MAP7D3: variants seen among roughly 807,000 people sequenced by gnomAD.
MAP7D3 encodes MAP7 domain containing 3.
A neutral mutation model predicts 62.2 loss-of-function variants in MAP7D3; 45 were observed. That is an observed-to-expected ratio of 0.72 (90% CI 0.57 to 0.93). MAP7D3 has a LOEUF of 0.93. Among genes scored for constraint, MAP7D3 ranks in the 40% least tolerant of loss-of-function variants. MAP7D3 has a pLI of 0.00. For synonymous variants in MAP7D3, 288 were observed against 248.8 expected, an observed-to-expected ratio of 1.16 and a Z score of -1.48; for missense variants, 711 against 683.1, an observed-to-expected ratio of 1.04 and a Z score of -0.45.
Position 136,251,372 on chromosome X carries a change from G to C in MAP7D3, c.-14C>G, listed in dbSNP as rs889390694. 9.9e-6 allele frequency: 11 copies of C among 1,109,153 alleles called. No homozygotes were observed. Among genetic ancestry groups the C allele is most frequent in the South Asian group, 2.1e-5 (1 of 48,687 alleles). The allele number at this position is 1,109,153 out of a possible 1,213,427, so 91.4% of individuals were successfully genotyped here. A position where few individuals can be genotyped will look rare whatever the true frequency, so the allele number is the denominator to read the frequency against. ...GTCCGCCATCATCGGAGTCGGGACC[G>C]GAGGCGGTGGTGGCTCTCCGCATAC... On this transcript the variant is annotated 5_prime_UTR_variant, in exon 1 of 19. Coordinates refer to ENST00000316077, the MANE Select transcript of MAP7D3 (RefSeq NM_024597.4).
rs888478690 is a variant in MAP7D3, at chrX:136,226,116, A to C, written c.2035-103T>G. On this transcript the variant is annotated intron_variant, in intron 12 of 18. Transcript: ENST00000316077. The stretch of plus-strand genomic sequence containing the variant: ...AATGGTAAATGTTATCTAGTATAAC[A>C]AAAGAGTGTAACCTTTTGAATGAGG... The C allele has an allele frequency of 1.1e-5, 6 of 525,103 alleles. No homozygotes were observed. In the African/African-American group the frequency reaches 1.2e-4, roughly 10 times the overall value. The allele number at this position is 525,103 out of a possible 1,213,427, so 43.3% of individuals were successfully genotyped here.
downstream of MAP7D3, chrX:136,214,933 G>A (rs1411659659): frequency 8.9e-6 from 1 of 112,032 alleles, no homozygotes; most frequent in Non-Finnish European, 1.9e-5. Flanking sequence ...CAGTTTCAAT[G>A]GATGGATCAA....
upstream of MAP7D3, among the ~76,000 whole-genome samples, chrX:136,252,042 T>C (rs2074519496): frequency 8.9e-6 from 1 of 112,556 alleles, no homozygotes; most frequent in African/African-American, 3.2e-5. Context: ...GGTTGCAGAA[T>C]GTTTTTCCCA....
intron 18 of MAP7D3, among the ~76,000 whole-genome samples, chrX:136,219,135 G>T (rs1344722494): frequency 8.9e-6 from 1 of 112,763 alleles, no homozygotes; most frequent in African/African-American, 3.2e-5. Flanking sequence ...ACAGGCGTAA[G>T]CCACTGCACC....
At chrX:136,233,224 G>A (rs1448114579) in intron 7 of MAP7D3, among the ~76,000 whole-genome samples, 1 of 110,413 alleles carries the variant, frequency 9.1e-6, no homozygotes, top group African/African-American at 3.3e-5. Flanking sequence ...GGGATAATGG[G>A]GGATTAGATT....
rs1320251175 is a variant in MAP7D3, at chrX:136,227,224, G to C, written c.2034+60C>G. ...TCAGAGACAGAGATTTTTGCTCTGG[G>C]TTCCATCTGAACTTTATAATCTGGT... On this transcript the variant is annotated intron_variant, in intron 12 of 18. Coordinates refer to ENST00000316077, the MANE Select transcript of MAP7D3 (RefSeq NM_024597.4). 4.6e-6 allele frequency: 5 copies of C among 1,083,895 alleles called. No individual in the cohort carries two copies. In the South Asian group the frequency reaches 8.5e-5, roughly 18 times the overall value. 89.3% of individuals were successfully genotyped at this position (1,083,895 alleles called of 1,213,427 possible).
At chrX:136,254,259 A>G (rs1388685390), upstream of MAP7D3, among the ~76,000 whole-genome samples, 3 of 107,806 alleles carry the variant, frequency 2.8e-5, no homozygotes, top group Non-Finnish European at 5.8e-5. Flanking sequence ...TAATTTTTGT[A>G]TTTTTAGTAG....
chrX:136,255,330 G>C (rs896302196), upstream of MAP7D3, among the ~76,000 whole-genome samples: 1 of 112,729 alleles, frequency 8.9e-6, no homozygotes, highest in African/African-American at 3.2e-5. Flanking sequence ...ATTCAAACAA[G>C]GTCCATACAT....
chrX:136,249,219 T>C (rs1569532424), intron 1 of MAP7D3, among the ~76,000 whole-genome samples: 1 of 112,279 alleles, frequency 8.9e-6, no homozygotes, highest in East Asian at 2.8e-4. Context: ...GACAAGATCA[T>C]CTTAAGGTTT....
chrX:136,240,354 C>T (rs1298906646), intron 6 of MAP7D3, 28 bp downstream of exon 6: 9 of 880,271 alleles, frequency 1.0e-5, no homozygotes, highest in Non-Finnish European at 1.5e-5. Flanking sequence ...AATAGAAATT[C>T]AGTAGAATAC....
intron 12 of MAP7D3, 50 bp from the exon 13 acceptor site, chrX:136,226,063 C>A (rs1261091484): frequency 3.5e-6 from 3 of 849,103 alleles, no homozygotes; most frequent in Non-Finnish European, 5.1e-6. Context: ...ACCTGAGTGA[C>A]ATCAGAGAAC....
chrX:136,231,559 C>T lies in MAP7D3; in HGVS notation c.1398G>A (p.Ala466=), dbSNP rs374515896. The T allele has an allele frequency of 3.3e-5, 40 of 1,202,228 alleles. No individual in the cohort carries two copies. The highest frequency in any genetic ancestry group is 4.3e-5 in the Non-Finnish European group (38 of 892,225). Residue 466 remains alanine (A), a synonymous_variant, in exon 8 of 19, where the codon GCG becomes GCA. Transcript: ENST00000316077. ...CTTGACAAACCTTTGGAGCGTCTCT[C>T]GCTTTTGCCTTGGGAGATGCTTCCA... is the stretch of plus-strand genomic sequence containing the variant. ...ASMEASPKAK[A]RDAPKKSEMD... is the part of the protein sequence containing the mutation.
intron 3 of MAP7D3, among the ~76,000 whole-genome samples, chrX:136,245,473 C>T (rs1260020888): frequency 9.0e-6 from 1 of 111,484 alleles, no homozygotes; most frequent in Non-Finnish European, 1.9e-5. Flanking sequence ...ACTGGCCAGG[C>T]GCGGTGGCTC....
chrX:136,223,383 G>T (rs560873610), intron 14 of MAP7D3, among the ~76,000 whole-genome samples: 11 of 110,529 alleles, frequency 1.0e-4, no homozygotes, highest in African/African-American at 3.3e-4. Context: ...ATGACATTGG[G>T]GTAAGCAAAT....
At chrX:136,213,314 A>G (rs1434867440), downstream of MAP7D3, 4 of 111,055 alleles carry the variant, frequency 3.6e-5, no homozygotes, top group Non-Finnish European at 5.7e-5. Context: ...CCCCTTAACA[A>G]TTTGTCAGCA....
intron 4 of MAP7D3, among the ~76,000 whole-genome samples, chrX:136,243,605 A>C (rs1047366087): frequency 6.3e-5 from 7 of 110,397 alleles, no homozygotes. Flanking sequence ...TGGGAGGCTG[A>C]GGTAGGAGAA....
In MAP7D3 at chrX:136,230,868, A is replaced by G. The variant is rs1309972479; in HGVS notation, c.1512T>C (p.Ala504=). 1.4e-5 allele frequency: 17 copies of G among 1,205,210 alleles called. No individual in the cohort carries two copies. The highest frequency in any genetic ancestry group is 1.9e-5 in the Non-Finnish European group (17 of 891,771). The change falls in exon 9 of 19, where the codon GCT becomes GCC. Residue 504 remains alanine (A), a synonymous_variant. Transcript: ENST00000316077. The part of the protein sequence containing the change: ...CYKWSSSPEN[A]CGLPSPISTN... ...TGCTGATGGGAGACGGCAGACCACA[A>G]GCATTTTCAGGAGATGATGACCATT...
downstream of MAP7D3, chrX:136,216,780 C>T (rs2074067852): frequency 9.0e-6 from 1 of 111,709 alleles, no homozygotes; most frequent in African/African-American, 3.3e-5. Context: ...ACCACCAGTA[C>T]ACTTTTTTTA....
chrX:136,255,302 A>C (rs2074545740), upstream of MAP7D3, among the ~76,000 whole-genome samples: 1 of 112,926 alleles, frequency 8.9e-6, no homozygotes, highest in Non-Finnish European at 1.9e-5. Flanking sequence ...GCCTCATTTA[A>C]AAAATCTTTG....
Sources: allele counts gnomAD v4.1 joint callset (sites outside exome capture counted in the v4.1 genomes callset), GRCh38; gene constraint gnomAD v4.1.1; transcripts MANE v1.5; gene names NCBI Gene and HGNC (gene_info 2026-07-23, HGNC 2026-07-21).